KIF1A: variants seen among roughly 807,000 people sequenced by gnomAD.
KIF1A encodes the protein kinesin family member 1A.
A neutral mutation model predicts 227.3 loss-of-function variants in KIF1A; 46 were observed. That is an observed-to-expected ratio of 0.20 (90% CI 0.16 to 0.26). The LOEUF (loss-of-function observed/expected upper bound fraction) is 0.26, where lower values mean the gene tolerates loss of function less well. Among genes scored for constraint, KIF1A ranks in the 10% least tolerant of loss-of-function variants. KIF1A has a pLI of 1.00. For missense variants in KIF1A, 1,683 were observed against 2,485.9 expected, an observed-to-expected ratio of 0.68 and a Z score of 6.87; for synonymous variants, 1,022 against 1,012.8, an observed-to-expected ratio of 1.01 and a Z score of -0.17.
rs138291443 is a variant in KIF1A at position 240,774,596 on chromosome 2, C to T, written c.959-335G>A. ...TGTGGAGGGTTTTAAAGTATTTACT[C>T]CAAAATAAATACCATTTATGTTCAA... On this transcript the variant is annotated intron_variant, in intron 11 of 48. Transcript: ENST00000498729. Among the ~76,000 whole-genome samples, 13 of 152,208 alleles carry T rather than the reference C, an allele frequency of 8.5e-5. 1 individual carries two copies. The East Asian group carries it at 2.5e-3, about 29-fold the overall frequency.
chr2:240,718,522 T>C (rs1021278168), intron 47 of KIF1A, among the ~76,000 whole-genome samples: 22 of 152,216 alleles, frequency 1.4e-4, no homozygotes, highest in African/African-American at 5.1e-4. Context: ...TCGTAGACAC[T>C]GGGGCCGCCT....
At position 240,722,623 on chromosome 2, in the gene KIF1A, C is replaced by T; in HGVS notation, c.4498G>A (p.Glu1500Lys). The stretch of plus-strand genomic sequence containing the variant: ...GGCCGCTGGGCGGTCTCCAGCTTCT[C>T]CCGCAGGAGCAGGTAGTGCCTAGTC... ...EKTRHYLLLR[E>K]KLETAQRPVP... The change falls in exon 43 of 49, where the codon GAG (glutamate) becomes AAG (lysine). Residue 1500 changes from glutamate to lysine, a missense_variant. Physicochemically the swap from Glu to Lys is moderately conservative, Grantham distance 56. Around this residue, in one of 12 missense-constraint regions of KIF1A, gnomAD observed 384 missense variants for 410.1 expected, o/e 0.94. Transcript: ENST00000498729. 1.3e-6 allele frequency: 2 copies of T among 1,561,008 alleles called. No homozygotes were observed. The highest frequency in any genetic ancestry group is 1.9e-5 in the Admixed American group (1 of 53,592).
chr2:240,763,716 C>G (rs1035162213), intron 20 of KIF1A, among the ~76,000 whole-genome samples: 3 of 152,216 alleles, frequency 2.0e-5, no homozygotes, highest in Non-Finnish European at 4.4e-5. Flanking sequence ...GGCCGGTGCC[C>G]CCAGAGCTGG....
Position 240,783,058 on chromosome 2 carries a change from C to T in KIF1A, c.850G>A (p.Ala284Thr), listed in dbSNP as rs756136593. Residue 284 changes from alanine to threonine, a missense_variant, in exon 9 of 49, where the codon GCC (alanine) becomes ACC (threonine). By Grantham distance (58) the Ala-to-Thr change is moderately conservative. Coordinates refer to ENST00000498729, the MANE Select transcript of KIF1A (RefSeq NM_001244008.2). ...SLTTLGKVIS[A>T]LAEMDSGPNK... is the part of the protein sequence containing the mutation. ...GGGCCACTCACCATTTCAGCCAGGG[C>T]GGAGATGACCTTGCCCAGGGTGGTC... 58 of 1,613,396 alleles carry T rather than the reference C, an allele frequency of 3.6e-5. No homozygotes were observed. Among genetic ancestry groups the T allele is most frequent in the Admixed American group, 2.2e-4 (13 of 60,012 alleles).
At chr2:240,730,031 G>A (rs2046425363) in intron 38 of KIF1A, among the ~76,000 whole-genome samples, 1 of 152,216 alleles carries the variant, frequency 6.6e-6, no homozygotes, top group Non-Finnish European at 1.5e-5. Context: ...ATCCTGCCTG[G>A]CTCCACCTGG....
intron 38 of KIF1A, 23 bp downstream of exon 38, chr2:240,737,040 T>A (rs756739700): frequency 6.4e-7 from 1 of 1,572,504 alleles, no homozygotes; most frequent in South Asian, 1.1e-5. Context: ...CTGGGCCCTG[T>A]CTCCAGGGAG....
chr2:240,798,056 G>C, intron 1 of KIF1A: 28 of 282,950 alleles, frequency 9.9e-5, no homozygotes, highest in East Asian at 1.4e-4. Flanking sequence ...AAAAGAAACA[G>C]AAACACAGCG....
At position 240,736,333 on chromosome 2, in the gene KIF1A, C is replaced by A. The variant is rs796456989; in HGVS notation, c.4007+730G>T. 6.6e-5 allele frequency among the ~76,000 whole-genome samples: 10 copies of A among 152,180 alleles called. No individual in the cohort carries two copies. Among genetic ancestry groups the A allele is most frequent in the African/African-American group, 1.9e-4 (8 of 41,522 alleles). On this transcript the variant is annotated intron_variant, in intron 38 of 48. Transcript: ENST00000498729. This position sits in a 1 kb window ranked among gnomAD's most constrained non-coding sequence, Gnocchi z 4.7. Reference sequence around the variant, plus strand: ...AGCAGCCAGGACTGGACACTGGAGCCCCCGCCTCACTTTCCCCAAGCCCCT... The same window carrying A: ...AGCAGCCAGGACTGGACACTGGAGCACCCGCCTCACTTTCCCCAAGCCCCT...
Position 240,757,722 on chromosome 2 carries a change from C to T in KIF1A, c.2583-128G>A, listed in dbSNP as rs187151477. Reference sequence around the variant, plus strand: ...CCAAACACACAGACCATCGAGAATGCTGCTTTAAAAGATGAGAGAACCAAA... The same window carrying T: ...CCAAACACACAGACCATCGAGAATGTTGCTTTAAAAGATGAGAGAACCAAA... On this transcript the variant is annotated intron_variant, in intron 26 of 48. Transcript: ENST00000498729. The surrounding 1 kb of genome is among the most constrained non-coding windows in gnomAD (Gnocchi z 6.2). 42 of 896,460 alleles carry T rather than the reference C, an allele frequency of 4.7e-5. No homozygotes were observed. In the African/African-American group the frequency reaches 6.9e-4, roughly 15 times the overall value. 55.5% of individuals were successfully genotyped at this position (896,460 alleles called of 1,614,324 possible).
intron 29 of KIF1A, 77 bp from the exon 30 acceptor site, chr2:240,746,254 C>A: frequency 6.7e-7 from 1 of 1,502,432 alleles, no homozygotes. Flanking sequence ...GCCACAGGCC[C>A]ACGGGAGGGC....
In KIF1A at chr2:240,775,505, A is replaced by G. The variant is rs529573196; in HGVS notation, c.958+346T>C. The stretch of plus-strand genomic sequence containing the variant: ...AAGCAGAGCTCCCAGATCGCGTCCC[A>G]GGTCCCCGTGACTGATGGGGAAACC... On this transcript the variant is annotated intron_variant, in intron 11 of 48. Coordinates refer to ENST00000498729, the MANE Select transcript of KIF1A (RefSeq NM_001244008.2). This position sits in a 1 kb window ranked among gnomAD's most constrained non-coding sequence, Gnocchi z 5.5. Among the ~76,000 whole-genome samples, 40 of 152,294 alleles carry G rather than the reference A, an allele frequency of 2.6e-4. No individual in the cohort carries two copies. The highest frequency in any genetic ancestry group is 3.4e-3 in the Middle Eastern group (1 of 294).
chr2:240,772,997 A>T, intron 13 of KIF1A, 117 bp downstream of exon 13: 1 of 1,134,630 alleles, frequency 8.8e-7, no homozygotes, highest in Non-Finnish European at 1.2e-6. Flanking sequence ...GAGCTGCCAC[A>T]GCCCAGGGTG....
At position 240,775,640 on chromosome 2, in the gene KIF1A, C is replaced by T. The variant is rs948318263; in HGVS notation, c.958+211G>A. ...GCCACCCCCTGGGCTGTCCTGGTTC[C>T]CACACTCGCTTCGTTAACCCACTGC... On this transcript the variant is annotated intron_variant, in intron 11 of 48. Coordinates refer to ENST00000498729, the MANE Select transcript of KIF1A (RefSeq NM_001244008.2). The surrounding 1 kb of genome is among the most constrained non-coding windows in gnomAD (Gnocchi z 5.5). Among the ~76,000 whole-genome samples the T allele has an allele frequency of 6.6e-6, 1 of 152,204 alleles. No individual in the cohort carries two copies. Among genetic ancestry groups the T allele is most frequent in the African/African-American group, 2.4e-5 (1 of 41,446 alleles).
chr2:240,760,665 C>T lies in KIF1A; in HGVS notation c.2444G>A (p.Arg815Lys). The T allele has an allele frequency of 6.6e-7, 1 of 1,507,716 alleles. No homozygotes were observed. The highest frequency in any genetic ancestry group is 8.9e-7 in the Non-Finnish European group (1 of 1,126,330). 93.4% of individuals were successfully genotyped at this position (1,507,716 alleles called of 1,614,324 possible). A position where few individuals can be genotyped will look rare whatever the true frequency, so the allele number is the denominator to read the frequency against. ...CCACCCAGCGGCCCTCCAGCCCCACCTGAGCTTCTCCAGCGTCCAGTAGTG... is the reference window on the plus strand; with the variant it reads ...CCACCCAGCGGCCCTCCAGCCCCACTTGAGCTTCTCCAGCGTCCAGTAGTG... ...ATHYWTLEKL[R>K]QRLDLMREMY... Residue 815 changes from arginine to lysine, a missense_variant and splice_region_variant, in exon 25 of 49, where the codon AGG becomes AAG. Transcript: ENST00000498729.
rs2045946304 is a variant in KIF1A, at chr2:240,725,839, G to C, written c.4123-435C>G. The C allele has an allele frequency of 6.1e-6, 1 of 163,192 alleles. No homozygotes were observed. The highest frequency in any genetic ancestry group is 1.8e-4 in the South Asian group (1 of 5,570). 10.1% of individuals were successfully genotyped at this position (163,192 alleles called of 1,614,324 possible). ...CCTGGTGGATGACACGCTAACTGCTGAACAGCTGGCCCCTTTGTCTTCCTG... is the reference window on the plus strand; with the variant it reads ...CCTGGTGGATGACACGCTAACTGCTCAACAGCTGGCCCCTTTGTCTTCCTG... On this transcript the variant is annotated intron_variant, in intron 39 of 48. Coordinates refer to ENST00000498729, the MANE Select transcript of KIF1A (RefSeq NM_001244008.2). This position sits in a 1 kb window ranked among gnomAD's most constrained non-coding sequence, Gnocchi z 5.8.
In KIF1A at chr2:240,735,721, C is replaced by T. The variant is rs983673085; in HGVS notation, c.4007+1342G>A. Among the ~76,000 whole-genome samples, 3 of 152,198 alleles carry T rather than the reference C, an allele frequency of 2.0e-5. No homozygotes were observed. The East Asian group carries it at 5.8e-4, about 29-fold the overall frequency. Reference sequence around the variant, plus strand: ...GGGGCTCCAGGCCTTCTCCACACCTCACCAGGGAGCATTCTCATGGCGGCA... The same window carrying T: ...GGGGCTCCAGGCCTTCTCCACACCTTACCAGGGAGCATTCTCATGGCGGCA... On this transcript the variant is annotated intron_variant, in intron 38 of 48. Coordinates refer to ENST00000498729, the MANE Select transcript of KIF1A (RefSeq NM_001244008.2).
chr2:240,803,192 T>A (rs1249582126), intron 1 of KIF1A, among the ~76,000 whole-genome samples: 8 of 152,222 alleles, frequency 5.3e-5, no homozygotes, highest in Admixed American at 4.6e-4. Flanking sequence ...GAAAACATTT[T>A]GAATGAGTGA....
At chr2:240,755,140 C>G (rs1038751726) in intron 27 of KIF1A, among the ~76,000 whole-genome samples, 4 of 152,232 alleles carry the variant, frequency 2.6e-5, no homozygotes, top group Non-Finnish European at 4.4e-5. Flanking sequence ...ACCAACCCAC[C>G]TGCCTCCCCA....
chr2:240,717,349 C>A lies in KIF1A; in HGVS notation c.*15G>T. The A allele has an allele frequency of 6.2e-7, 1 of 1,609,882 alleles. No homozygotes were observed. On this transcript the variant is annotated 3_prime_UTR_variant, in exon 49 of 49. Coordinates refer to ENST00000498729, the MANE Select transcript of KIF1A (RefSeq NM_001244008.2). ...GATGGGCTGGGCCTGCCGGCTGTCA[C>A]GGGAGGGCTCAGGTTCAGACCCGCA...
Sources: gnomAD v4.1 joint callset for allele counts (sites outside exome capture counted in the v4.1 genomes callset) on GRCh38, gnomAD v4.1.1 for gene constraint, gnomAD v4.1.1 regional missense constraint, Gnocchi (gnomAD v3.1) non-coding constraint, MANE v1.5 for transcripts, NCBI Gene and HGNC (gene_info 2026-07-23, HGNC 2026-07-21) for gene names.